Variants in INSR observed in about 807,000 individuals in gnomAD.
INSR encodes the protein IR.
Under a neutral mutation model 142.6 loss-of-function variants are expected in INSR, and 67 were observed. That is an observed-to-expected ratio of 0.47 (90% CI 0.39 to 0.58). The LOEUF is 0.58. INSR is among the 20% of genes least tolerant of loss of function. INSR has a pLI of 0.00. For synonymous variants in INSR, 756 were observed against 743.1 expected, an observed-to-expected ratio of 1.02 and a Z score of -0.28; for missense variants, 1,248 against 1,833.2, an observed-to-expected ratio of 0.68 and a Z score of 5.83.
Position 7,150,603 on chromosome 19 carries a change from T to A in INSR, c.2232-71A>T. On this transcript the variant is annotated intron_variant, in intron 10 of 21. Transcript: ENST00000302850. The surrounding 1 kb of genome is among the most constrained non-coding windows in gnomAD (Gnocchi z 4.2). ...TAGACAGACCACTGGGCTCTGACAC[T>A]TGGAGGCCACATGTGTCCGAGTAAG... 6.8e-7 allele frequency: 1 copy of A among 1,469,744 alleles called. No individual in the cohort carries two copies. Among genetic ancestry groups the A allele is most frequent in the Non-Finnish European group, 9.5e-7 (1 of 1,050,378 alleles). 91.0% of individuals were successfully genotyped at this position (1,469,744 alleles called of 1,614,324 possible). A position where few individuals can be genotyped will look rare whatever the true frequency, so the allele number is the denominator to read the frequency against.
At chr19:7,184,024 A>G (rs1277074515) in intron 3 of INSR, among the ~76,000 whole-genome samples, 2 of 139,764 alleles carry the variant, frequency 1.4e-5, no homozygotes, top group South Asian at 2.4e-4. Context: ...GTGCCACTGC[A>G]CTCCAGCTTG....
Position 7,132,189 on chromosome 19 carries a change from C to T in INSR, c.2811G>A (p.Thr937=), listed in dbSNP as rs140925441. 22 of 1,614,052 alleles carry T rather than the reference C, an allele frequency of 1.4e-5. No individual in the cohort carries two copies. Among genetic ancestry groups the T allele is most frequent in the South Asian group, 3.3e-5 (3 of 91,086 alleles). Residue 937 remains threonine (T), a synonymous_variant, in exon 14 of 22, where the codon ACG becomes ACA. Transcript: ENST00000302850. ...ATSLAGNGSW[T]EPTYFYVTDY... is the part of the protein sequence containing the mutation. Reference sequence around the variant, plus strand: ...CTGTCACGTAGAAATAGGTGGGTTCCGTCCAAGAGCCGTTGCCCGCAAGGG... The same window carrying T: ...CTGTCACGTAGAAATAGGTGGGTTCTGTCCAAGAGCCGTTGCCCGCAAGGG...
rs777311078 is a variant in INSR, at chr19:7,174,600, A to G, written c.1106T>C (p.Ile369Thr). The G allele has an allele frequency of 6.2e-7, 1 of 1,613,916 alleles. No homozygotes were observed. The highest frequency in any genetic ancestry group is 1.1e-5 in the South Asian group (1 of 91,044). Reference sequence around the variant, plus strand: ...ACACTCACTGCCTCCTCGAATGTTGATGATCAGACTCCCGTTGATGACGGT... The same window carrying G: ...ACACTCACTGCCTCCTCGAATGTTGGTGATCAGACTCCCGTTGATGACGGT... ...GCTVINGSLI[I>T]NIRGGNNLAA... Residue 369 changes from isoleucine to threonine, a missense_variant, in exon 4 of 22, where the codon ATC becomes ACC. Around this residue, in one of 3 missense-constraint regions of INSR, gnomAD observed 1,069 missense variants for 1,654.0 expected, o/e 0.65. Coordinates refer to ENST00000302850, the MANE Select transcript of INSR (RefSeq NM_000208.4).
chr19:7,152,008 G>A (rs1448765640), intron 10 of INSR: 1 of 139,140 alleles, frequency 7.2e-6, no homozygotes, highest in Non-Finnish European at 1.5e-5. Flanking sequence ...GTCTCATTAT[G>A]TTGCCCAGGC....
intron 9 of INSR, among the ~76,000 whole-genome samples, chr19:7,155,084 G>C (rs533742404): frequency 4.6e-5 from 7 of 152,182 alleles, no homozygotes; most frequent in Non-Finnish European, 8.8e-5. Context: ...GGGTGTCTGC[G>C]GGTGCCATTT....
intron 7 of INSR, among the ~76,000 whole-genome samples, chr19:7,167,601 A>C (rs943969448): frequency 6.6e-6 from 1 of 152,106 alleles, no homozygotes; most frequent in Non-Finnish European, 1.5e-5. Flanking sequence ...TTGGGGATAA[A>C]AAAGAAAAAT....
In INSR at chr19:7,119,826, A is replaced by C. The variant is rs556403781; in HGVS notation, c.3660-243T>G. On this transcript the variant is annotated intron_variant, in intron 20 of 21. Coordinates refer to ENST00000302850, the MANE Select transcript of INSR (RefSeq NM_000208.4). This position sits in a 1 kb window ranked among gnomAD's most constrained non-coding sequence, Gnocchi z 5.2. ...CAAACACACAAACACATATACACACACAAACACACACACCCAAACACACAC... is the reference window on the plus strand; with the variant it reads ...CAAACACACAAACACATATACACACCCAAACACACACACCCAAACACACAC... Among the ~76,000 whole-genome samples, 2 of 42,794 alleles carry C rather than the reference A, an allele frequency of 4.7e-5. No individual in the cohort carries two copies. Among genetic ancestry groups the C allele is most frequent in the South Asian group, 6.7e-4 (1 of 1,484 alleles). The allele number at this position is 42,794 out of a possible 152,430, so 28.1% of individuals were successfully genotyped here. A position where few individuals can be genotyped will look rare whatever the true frequency, so the allele number is the denominator to read the frequency against.
chr19:7,247,843 G>A (rs936764428), intron 2 of INSR, among the ~76,000 whole-genome samples: 2 of 152,240 alleles, frequency 1.3e-5, no homozygotes, highest in Admixed American at 1.3e-4. Context: ...TAGCAACATT[G>A]TCTGTCTGCA....
intron 13 of INSR, among the ~76,000 whole-genome samples, chr19:7,137,284 T>A (rs75042832): frequency 2.4e-5 from 3 of 125,882 alleles, no homozygotes; most frequent in African/African-American, 7.7e-5. Flanking sequence ...AAAAAAAAAA[T>A]CCCTCATGCC....
At chr19:7,228,927 T>C (rs1975865514) in intron 2 of INSR, among the ~76,000 whole-genome samples, 1 of 150,456 alleles carries the variant, frequency 6.6e-6, no homozygotes, top group South Asian at 2.1e-4. Flanking sequence ...GCTGGGTGAG[T>C]GGTTGGAAGG....
chr19:7,127,184 G>A (rs527866031), intron 15 of INSR, among the ~76,000 whole-genome samples: 5 of 152,086 alleles, frequency 3.3e-5, no homozygotes, highest in South Asian at 2.1e-4. Flanking sequence ...AGATATGCAC[G>A]ACCATGCAGG....
At chr19:7,120,127 T>C (rs1972454243) in intron 20 of INSR, among the ~76,000 whole-genome samples, 1 of 152,222 alleles carries the variant, frequency 6.6e-6, no homozygotes, top group African/African-American at 2.4e-5. Flanking sequence ...GCATATCTGA[T>C]TGGCTCCTTT....
At chr19:7,175,874 G>A (rs1974124268) in intron 3 of INSR, among the ~76,000 whole-genome samples, 1 of 151,654 alleles carries the variant, frequency 6.6e-6, no homozygotes, top group Admixed American at 6.6e-5. Context: ...AAAGTCCCCT[G>A]GGGAGGGAGG....
intron 2 of INSR, among the ~76,000 whole-genome samples, chr19:7,261,888 G>T (rs527293006): frequency 3.6e-4 from 55 of 152,246 alleles, no homozygotes; most frequent in Non-Finnish European, 7.2e-4. Flanking sequence ...TTAAGGGACA[G>T]GTAGAAGAAG....
rs1967761715 is a variant in INSR at position 7,267,243 on chromosome 19, C to T, written c.652+102G>A. 1.6e-6 allele frequency: 2 copies of T among 1,251,934 alleles called. No homozygotes were observed. Among genetic ancestry groups the T allele is most frequent in the Non-Finnish European group, 2.3e-6 (2 of 864,380 alleles). 77.6% of individuals were successfully genotyped at this position (1,251,934 alleles called of 1,614,324 possible). A position where few individuals can be genotyped will look rare whatever the true frequency, so the allele number is the denominator to read the frequency against. On this transcript the variant is annotated intron_variant, in intron 2 of 21. Transcript: ENST00000302850. The surrounding 1 kb of genome is among the most constrained non-coding windows in gnomAD (Gnocchi z 6.3). ...AATGCCACCACCCACTATTCCCCGGCCCCTACCTAATGACCATTTAACATT... is the reference window on the plus strand; with the variant it reads ...AATGCCACCACCCACTATTCCCCGGTCCCTACCTAATGACCATTTAACATT...
In INSR at chr19:7,137,344, A is replaced by C. The variant is rs372790826; in HGVS notation, c.2682+4333T>G. Among the ~76,000 whole-genome samples the C allele has an allele frequency of 1.3e-4, 19 of 151,702 alleles. No individual in the cohort carries two copies. The East Asian group carries it at 2.5e-3, about 20-fold the overall frequency. On this transcript the variant is annotated intron_variant, in intron 13 of 21. Coordinates refer to ENST00000302850, the MANE Select transcript of INSR (RefSeq NM_000208.4). ...CTCTGGTCACATGATTGGGCACTGG[A>C]TGTCACATGACCTCAGTCTAGCTGG...
chr19:7,121,768 CA>C (rs1437769094), intron 19 of INSR, among the ~76,000 whole-genome samples: 4 of 152,226 alleles, frequency 2.6e-5, no homozygotes, highest in African/African-American at 9.6e-5. Flanking sequence ...GTCCTACAAA[CA>C]TATCTTTTAA....
intron 9 of INSR, among the ~76,000 whole-genome samples, chr19:7,156,662 A>G: frequency 6.6e-6 from 1 of 152,166 alleles, no homozygotes; most frequent in Admixed American, 6.6e-5. Context: ...GAGGAGATAG[A>G]GGAAGGAACT....
intron 2 of INSR, among the ~76,000 whole-genome samples, chr19:7,191,554 T>C (rs1229766304): frequency 1.3e-5 from 2 of 152,064 alleles, no homozygotes; most frequent in Non-Finnish European, 2.9e-5. Context: ...CCAGGCGCAG[T>C]GGCTTGTGCA....
Sources: allele counts gnomAD v4.1 joint callset (sites outside exome capture counted in the v4.1 genomes callset), GRCh38; gene constraint gnomAD v4.1.1; regional missense constraint gnomAD v4.1.1; non-coding constraint Gnocchi (gnomAD v3.1); transcripts MANE v1.5; gene names NCBI Gene and HGNC (gene_info 2026-07-23, HGNC 2026-07-21).